Variants in TIAM1 observed in about 807,000 individuals in gnomAD.
TIAM1 encodes TIAM Rac1 associated GEF 1.
In TIAM1, 65 loss-of-function variants were observed where a neutral mutation model predicts 163.5. That is an observed-to-expected ratio of 0.40 (90% CI 0.33 to 0.49). The LOEUF is 0.49. Ranked by LOEUF, TIAM1 falls within the 20% of genes least tolerant of loss-of-function variation. TIAM1 has a pLI of 0.77. For synonymous variants in TIAM1, 833 were observed against 810.1 expected, an observed-to-expected ratio of 1.03 and a Z score of -0.48; for missense variants, 1,789 against 2,044.7, an observed-to-expected ratio of 0.87 and a Z score of 2.41.
chr21:31,305,901 C>A (rs999627213), intron 2 of TIAM1, among the ~76,000 whole-genome samples: 1 of 151,984 alleles, frequency 6.6e-6, no homozygotes, highest in Non-Finnish European at 1.5e-5. Flanking sequence ...TGTCTGCTCA[C>A]GGGGGTGACT....
intron 2 of TIAM1, among the ~76,000 whole-genome samples, chr21:31,292,772 G>C (rs541064834): frequency 1.3e-5 from 2 of 151,670 alleles, no homozygotes; most frequent in Admixed American, 1.3e-4. Flanking sequence ...GGGTTCAAGT[G>C]ATTCTCATGC....
chr21:31,162,120 C>T (rs1337249846), intron 16 of TIAM1, among the ~76,000 whole-genome samples: 3 of 152,112 alleles, frequency 2.0e-5, no homozygotes, highest in African/African-American at 2.4e-5. Flanking sequence ...CAAGACAAGA[C>T]CTGGAGCCAA....
chr21:31,246,339 A>C (rs529660914), intron 5 of TIAM1, among the ~76,000 whole-genome samples: 11 of 152,330 alleles, frequency 7.2e-5, no homozygotes, highest in Admixed American at 7.2e-4. Flanking sequence ...TTGCACTGTG[A>C]AACTAACAAG....
intron 2 of TIAM1, among the ~76,000 whole-genome samples, chr21:31,366,801 G>A (rs570138868): frequency 9.2e-5 from 14 of 152,174 alleles, no homozygotes; most frequent in African/African-American, 2.4e-4. Flanking sequence ...TATTTTTAAC[G>A]GAGACGGGGT....
chr21:31,330,410 T>C (rs764596514), intron 2 of TIAM1, among the ~76,000 whole-genome samples: 5 of 152,208 alleles, frequency 3.3e-5, no homozygotes, highest in Non-Finnish European at 7.3e-5. Flanking sequence ...TTTGGTTTTT[T>C]GCATGGTTCT....
At position 31,234,821 on chromosome 21, in the gene TIAM1, T is replaced by G. The variant is rs77472971; in HGVS notation, c.1585-8871A>C. On this transcript the variant is annotated intron_variant, in intron 6 of 27. Transcript: ENST00000541036. ...AGAAATTGTGCTTGCTTTGGCAGCA[T>G]ATATACTAAAAAAGGATCAGAACAC... Among the ~76,000 whole-genome samples, 48 of 151,644 alleles carry G rather than the reference T, an allele frequency of 3.2e-4. No homozygotes were observed. In the East Asian group the frequency reaches 8.2e-3, roughly 26 times the overall value.
intron 2 of TIAM1, among the ~76,000 whole-genome samples, chr21:31,298,735 G>GGGGTGT (rs1555923380): frequency 8.7e-5 from 12 of 138,574 alleles, no homozygotes; most frequent in East Asian, 4.2e-4. Context: ...TCCAATTGAG[G>GGGGTGT]GTGTGTGTGT....
At chr21:31,274,914 G>A (rs900034523) in intron 3 of TIAM1, among the ~76,000 whole-genome samples, 2 of 147,654 alleles carry the variant, frequency 1.4e-5, no homozygotes, top group East Asian at 4.0e-4. Context: ...TTTGAGACTA[G>A]TCTGGCCAGT....
At chr21:31,124,798 G>T in intron 26 of TIAM1, 104 bp from the exon 27 acceptor site, 2 of 1,000,348 alleles carry the variant, frequency 2.0e-6, no homozygotes, top group Non-Finnish European at 2.8e-6. Flanking sequence ...AGGGCCAAAG[G>T]CTAAAGACTG....
At chr21:31,292,020 G>A (rs138862138) in intron 2 of TIAM1, among the ~76,000 whole-genome samples, 72 of 152,246 alleles carry the variant, frequency 4.7e-4, no homozygotes, top group African/African-American at 1.5e-3. Context: ...TGAGGGCAGC[G>A]TGATTGGTAA....
chr21:31,250,810 C>T (rs953264470), intron 5 of TIAM1, among the ~76,000 whole-genome samples: 7 of 152,236 alleles, frequency 4.6e-5, no homozygotes, highest in East Asian at 1.9e-4. Flanking sequence ...GTATGCAGTA[C>T]GTGCAACAAT....
chr21:31,373,502 C>T (rs565335556), intron 2 of TIAM1, among the ~76,000 whole-genome samples: 2 of 152,256 alleles, frequency 1.3e-5, no homozygotes, highest in Non-Finnish European at 2.9e-5. Context: ...CTGATAAACC[C>T]ATCGGATCTC....
chr21:31,458,628 CAAT>C (rs2045203571), intron 2 of TIAM1, among the ~76,000 whole-genome samples: 1 of 152,112 alleles, frequency 6.6e-6, no homozygotes, highest in Non-Finnish European at 1.5e-5. Context: ...CTGATTTAGA[CAAT>C]GGGCACCTGC....
At chr21:31,377,630 C>T (rs1373482324) in intron 2 of TIAM1, among the ~76,000 whole-genome samples, 2 of 152,132 alleles carry the variant, frequency 1.3e-5, no homozygotes, top group Non-Finnish European at 2.9e-5. Flanking sequence ...TCTCATTGTC[C>T]TCAAACTGTA....
chr21:31,134,118 A>G (rs541767352), intron 23 of TIAM1, among the ~76,000 whole-genome samples: 1 of 152,210 alleles, frequency 6.6e-6, no homozygotes, highest in African/African-American at 2.4e-5. Context: ...GAGTTTGCCA[A>G]CCCATTTTCT....
At position 31,507,923 on chromosome 21, in the gene TIAM1, C is replaced by T. The variant is rs576537697; in HGVS notation, c.-421-43888G>A. Among the ~76,000 whole-genome samples the T allele has an allele frequency of 1.4e-4, 22 of 152,304 alleles. No homozygotes were observed. The South Asian group carries it at 4.3e-3, about 30-fold the overall frequency. On this transcript the variant is annotated intron_variant, in intron 1 of 28. Transcript: ENST00000286827. ...CCCAGAACCTGTGACTGTGACCCAACTGGAAATAGGGTCTTCGTAGACATA... is the reference window on the plus strand; with the variant it reads ...CCCAGAACCTGTGACTGTGACCCAATTGGAAATAGGGTCTTCGTAGACATA...
At chr21:31,176,634 A>G (rs867813261) in intron 15 of TIAM1, among the ~76,000 whole-genome samples, 3 of 152,244 alleles carry the variant, frequency 2.0e-5, no homozygotes, top group Non-Finnish European at 4.4e-5. Flanking sequence ...AATGTACTAC[A>G]GGACCACCTA....
At chr21:31,316,844 C>T (rs142849613) in intron 2 of TIAM1, among the ~76,000 whole-genome samples, 161 of 152,234 alleles carry the variant, frequency 1.1e-3, no homozygotes, top group Non-Finnish European at 1.9e-3. Context: ...GTTGGACCAC[C>T]GTGGATCGTG....
chr21:31,321,787 G>A (rs1237050783), intron 2 of TIAM1, among the ~76,000 whole-genome samples: 6 of 152,012 alleles, frequency 3.9e-5, no homozygotes, highest in Non-Finnish European at 5.9e-5. Flanking sequence ...GGCCGGGCAC[G>A]GTGGCTCACA....
Sources: allele counts gnomAD v4.1 joint callset (sites outside exome capture counted in the v4.1 genomes callset), GRCh38; gene constraint gnomAD v4.1.1; transcripts MANE v1.5; gene names NCBI Gene and HGNC (gene_info 2026-07-23, HGNC 2026-07-21).